NALF1: variants seen among roughly 807,000 people sequenced by gnomAD.
The protein encoded by NALF1 is NALCN channel auxiliary factor 1.
A neutral mutation model predicts 48.4 loss-of-function variants in NALF1; 3 were observed. That is an observed-to-expected ratio of 0.06 (90% CI 0.03 to 0.16). The LOEUF (loss-of-function observed/expected upper bound fraction) is 0.16. Ranked by LOEUF, NALF1 falls within the 10% of genes least tolerant of loss-of-function variation. NALF1 has a pLI of 1.00. For synonymous variants in NALF1, 262 were observed against 245.7 expected (o/e 1.07, Z -0.62); for missense variants, 526 against 571.5 (o/e 0.92, Z 0.81).
intron 1 of NALF1, among the ~76,000 whole-genome samples, chr13:107,510,497 C>T (rs2139086853): frequency 6.6e-6 from 1 of 152,266 alleles, no homozygotes; most frequent in Non-Finnish European, 1.5e-5. Flanking sequence ...CACCAAAATA[C>T]AACTAAATTT....
rs1408453425 is a variant in NALF1 at position 107,567,448 on chromosome 13, A to G, written c.915+298234T>C. The stretch of plus-strand genomic sequence containing the variant: ...ATATTGGCCTGATTGTCTACTTGAC[A>G]TGACACCCAACTTCACATTTTCTGT... On this transcript the variant is annotated intron_variant, in intron 1 of 2. Coordinates refer to ENST00000375915, the MANE Select transcript of NALF1 (RefSeq NM_001080396.3). Among the ~76,000 whole-genome samples, 3 of 152,256 alleles carry G rather than the reference A, an allele frequency of 2.0e-5. No individual in the cohort carries two copies. The East Asian group carries it at 5.8e-4, about 29-fold the overall frequency.
chr13:107,378,407 T>C lies in NALF1; in HGVS notation c.916-167652A>G, dbSNP rs578103113. ...ATTTGGAGAGACATATATATATATA[T>C]ATGTATGCATGTCTATATATATAAA... On this transcript the variant is annotated intron_variant, in intron 1 of 2. Transcript: ENST00000375915. 1.1e-3 allele frequency among the ~76,000 whole-genome samples: 165 copies of C among 150,396 alleles called. 1 individual carries two copies. The highest frequency in any genetic ancestry group is 3.6e-3 in the African/African-American group (150 of 41,442).
At chr13:107,349,768 G>C (rs992993560) in intron 1 of NALF1, among the ~76,000 whole-genome samples, 4 of 151,028 alleles carry the variant, frequency 2.6e-5, no homozygotes, top group Non-Finnish European at 5.9e-5. Context: ...AACTGAGGTA[G>C]CTGATTTATC....
chr13:107,757,170 T>A lies in NALF1; in HGVS notation c.915+108512A>T, dbSNP rs929500420. ...AGTGATTGAGGTAGTATGTACTGAT[T>A]TGCAGCAAATAAACACAGGAAGGTG... On this transcript the variant is annotated intron_variant, in intron 1 of 2. Transcript: ENST00000375915. Among the ~76,000 whole-genome samples the A allele has an allele frequency of 2.0e-5, 3 of 152,288 alleles. No homozygotes were observed. The East Asian group carries it at 5.8e-4, about 29-fold the overall frequency.
chr13:107,473,051 G>A (rs1885125627), intron 1 of NALF1, among the ~76,000 whole-genome samples: 1 of 152,060 alleles, frequency 6.6e-6, no homozygotes, highest in Non-Finnish European at 1.5e-5. Context: ...CTTTCCTCTT[G>A]AATGAGCATA....
chr13:107,215,056 G>T (rs561435534), intron 1 of NALF1, among the ~76,000 whole-genome samples: 1 of 152,060 alleles, frequency 6.6e-6, no homozygotes, highest in African/African-American at 2.4e-5. Context: ...GGGGTCTCTG[G>T]AGTCACTAAG....
At chr13:107,175,948 T>A (rs9558960) in intron 2 of NALF1, among the ~76,000 whole-genome samples, 18,676 of 152,036 alleles carry the variant, frequency 0.12, 1,178 homozygotes, top group East Asian at 0.19. Context: ...AGCTTCAGAT[T>A]TTTTTCCCTC....
intron 1 of NALF1, among the ~76,000 whole-genome samples, chr13:107,521,960 C>G (rs1379314497): frequency 6.6e-6 from 1 of 151,760 alleles, no homozygotes; most frequent in Admixed American, 6.6e-5. Context: ...CACACACACA[C>G]AGAAACACAC....
At chr13:107,271,545 G>C (rs1185537551) in intron 1 of NALF1, among the ~76,000 whole-genome samples, 1 of 152,044 alleles carries the variant, frequency 6.6e-6, no homozygotes, top group Non-Finnish European at 1.5e-5. Context: ...ATGCAGACTG[G>C]CTGAGACCCT....
intron 1 of NALF1, among the ~76,000 whole-genome samples, chr13:107,601,345 T>G (rs1318142956): frequency 6.6e-6 from 1 of 152,186 alleles, no homozygotes; most frequent in Non-Finnish European, 1.5e-5. Flanking sequence ...TCTTGTAGAT[T>G]ATTTTACTCT....
At chr13:107,571,036 T>C (rs1877972968) in intron 1 of NALF1, among the ~76,000 whole-genome samples, 1 of 152,182 alleles carries the variant, frequency 6.6e-6, no homozygotes, top group African/African-American at 2.4e-5. Context: ...GAAAACATTA[T>C]TTGAAATGAA....
rs1263519801 is a variant in NALF1 at position 107,515,594 on chromosome 13, G to T, written c.916-304839C>A. On this transcript the variant is annotated intron_variant, in intron 1 of 2. Coordinates refer to ENST00000375915, the MANE Select transcript of NALF1 (RefSeq NM_001080396.3). ...AGCTGCAAAGCTCATATTCTTATCT[G>T]TTCTCATTACTAATAATAACCAGGT... Among the ~76,000 whole-genome samples the T allele has an allele frequency of 5.3e-5, 8 of 152,262 alleles. No homozygotes were observed. In the South Asian group the frequency reaches 1.7e-3, roughly 32 times the overall value.
At chr13:107,472,691 T>C (rs558301237) in intron 1 of NALF1, among the ~76,000 whole-genome samples, 1 of 152,264 alleles carries the variant, frequency 6.6e-6, no homozygotes, top group East Asian at 1.9e-4. Context: ...CTTGGACCTA[T>C]ACCAGTGGCT....
At chr13:107,665,940 G>A (rs1022322043) in intron 1 of NALF1, among the ~76,000 whole-genome samples, 7 of 152,034 alleles carry the variant, frequency 4.6e-5, no homozygotes, top group African/African-American at 1.7e-4. Flanking sequence ...TGCAGTCTTT[G>A]GCACATTATT....
At chr13:107,277,988 A>T (rs148516899) in intron 1 of NALF1, among the ~76,000 whole-genome samples, 1 of 152,326 alleles carries the variant, frequency 6.6e-6, no homozygotes, top group Non-Finnish European at 1.5e-5. Flanking sequence ...AATAATTAAG[A>T]GAAAAAAATA....
At chr13:107,783,443 TTGAGAAATCGGA>T (rs1430059204) in intron 1 of NALF1, among the ~76,000 whole-genome samples, 3 of 152,242 alleles carry the variant, frequency 2.0e-5, no homozygotes, top group Non-Finnish European at 1.5e-5. Flanking sequence ...AGGGAAAGGA[TTGAGAAATCGGA>T]TGGTTGCCAT....
At chr13:107,819,764 TCA>T (rs1398183489) in intron 1 of NALF1, among the ~76,000 whole-genome samples, 8 of 149,770 alleles carry the variant, frequency 5.3e-5, no homozygotes, top group Admixed American at 2.0e-4. Context: ...TCTCTCTCTT[TCA>T]CACACACACA....
intron 1 of NALF1, among the ~76,000 whole-genome samples, chr13:107,747,174 A>G (rs569865404): frequency 6.6e-6 from 1 of 152,296 alleles, no homozygotes; most frequent in South Asian, 2.1e-4. Context: ...CCAATTTACA[A>G]CATGGCTATA....
intron 1 of NALF1, among the ~76,000 whole-genome samples, chr13:107,612,668 A>G (rs903032005): frequency 6.6e-5 from 10 of 152,100 alleles, no homozygotes; most frequent in African/African-American, 2.2e-4. Flanking sequence ...TGACTTTTAA[A>G]CACAGGCGGG....
Sources: allele counts gnomAD v4.1 joint callset (sites outside exome capture counted in the v4.1 genomes callset), GRCh38; gene constraint gnomAD v4.1.1; transcripts MANE v1.5; gene names NCBI Gene and HGNC (gene_info 2026-07-23, HGNC 2026-07-21).